CCDC117: variants seen among roughly 807,000 people sequenced by gnomAD.
CCDC117 encodes the protein coiled-coil domain-containing protein 117.
In CCDC117, 1 loss-of-function variant was observed where a neutral mutation model predicts 23.5. That is an observed-to-expected ratio of 0.04 (90% CI 0.02 to 0.20). The LOEUF (loss-of-function observed/expected upper bound fraction) is 0.20. CCDC117 is among the 10% of genes least tolerant of loss of function. CCDC117 has a pLI of 1.00. For synonymous variants in CCDC117, 132 were observed against 124.8 expected (o/e 1.06, Z -0.39); for missense variants, 383 against 348.2 (o/e 1.10, Z -0.80).
At chr22:28,782,817 C>T (rs1314517229) in intron 3 of CCDC117, among the ~76,000 whole-genome samples, 2 of 152,120 alleles carry the variant, frequency 1.3e-5, no homozygotes, top group Non-Finnish European at 2.9e-5. Context: ...GGTGATCTGC[C>T]TATCTCAGCC....
chr22:28,783,117 C>T (rs1392522444), intron 3 of CCDC117, among the ~76,000 whole-genome samples: 1 of 152,064 alleles, frequency 6.6e-6, no homozygotes, highest in Non-Finnish European at 1.5e-5. Flanking sequence ...TCTTGGTTCA[C>T]TGCAACCTCC....
Position 28,789,291 on chromosome 22 carries a change from T to A in CCDC117, c.*2965T>A, listed in dbSNP as rs1406071018. 6.6e-6 allele frequency: 1 copy of A among 152,220 alleles called. No individual in the cohort carries two copies. 9.4% of individuals were successfully genotyped at this position (152,220 alleles called of 1,614,324 possible). A position where few individuals can be genotyped will look rare whatever the true frequency, so the allele number is the denominator to read the frequency against. On this transcript the variant is annotated 3_prime_UTR_variant, in exon 5 of 5. Transcript: ENST00000249064. ...TTTTCAATAAAACTTCTTAAGTGTT[T>A]TGGACTTTTGAGATATTTGTATTAC... is the stretch of plus-strand genomic sequence containing the variant.
chr22:28,773,089 G>A (rs1294236393), intron 1 of CCDC117, 55 bp downstream of exon 1: 5 of 928,360 alleles, frequency 5.4e-6, no homozygotes, highest in Non-Finnish European at 5.2e-6. Flanking sequence ...GGGCAGGCTG[G>A]GCGCCCCTCG....
Position 28,786,273 on chromosome 22 carries a change from C to G in CCDC117, c.787C>G (p.Leu263Val), listed in dbSNP as rs758902783. 1.2e-6 allele frequency: 2 copies of G among 1,614,114 alleles called. No individual in the cohort carries two copies. Among genetic ancestry groups the G allele is most frequent in the Non-Finnish European group, 1.7e-6 (2 of 1,180,016 alleles). ...FSEPRPTGMS[L>V]YNSLETATST... ...GGAACCTCGGCCAACAGGGATGTCT[C>G]TTTATAATAGTTTGGAGACAGCTAC... Residue 263 changes from leucine to valine, a missense_variant, in exon 5 of 5, where the codon CTT becomes GTT. Leu to Val is a conservative substitution (Grantham distance 32). Transcript: ENST00000249064.
At position 28,773,757 on chromosome 22, in the gene CCDC117, GAGA is replaced by G; in HGVS notation, c.219_221del (p.Glu77del). ...GTTCACTGTAAAAAGAAACACAAGC[GAGA>G]GGAGGAGGAGGATGATGAGTAAGTT... On this transcript the variant is annotated inframe_deletion, in exon 2 of 5. Transcript: ENST00000249064. 6.2e-7 allele frequency: 1 copy of G among 1,613,946 alleles called. No individual in the cohort carries two copies. Among genetic ancestry groups the G allele is most frequent in the Non-Finnish European group, 8.5e-7 (1 of 1,179,802 alleles).
At chr22:28,773,617 A>G in intron 1 of CCDC117, 108 bp from the exon 2 acceptor site, 5 of 847,990 alleles carry the variant, frequency 5.9e-6, no homozygotes, top group Non-Finnish European at 9.9e-6. Context: ...TCAGAAAGGG[A>G]CGTTTGGTAT....
In CCDC117 at chr22:28,783,654, T is replaced by G. The variant is rs369776611; in HGVS notation, c.602+9T>G. The G allele has an allele frequency of 1.9e-6, 3 of 1,611,870 alleles. No homozygotes were observed. In the African/African-American group the frequency reaches 4.0e-5, roughly 22 times the overall value. ...AAAATGATTGAGTCTATGTAAGTTT[T>G]GGTACCTGATTTCTATTTAATTATG... On this transcript the variant is annotated intron_variant, in intron 4 of 4. Coordinates refer to ENST00000249064, the MANE Select transcript of CCDC117 (RefSeq NM_173510.4).
chr22:28,774,514 G>A (rs541437451), intron 2 of CCDC117, among the ~76,000 whole-genome samples: 204 of 151,342 alleles, frequency 1.3e-3, no homozygotes, highest in African/African-American at 4.9e-3. Context: ...TGAGACTACA[G>A]ACTTGTGCCA....
In CCDC117 at chr22:28,781,087, G is replaced by C. The variant is rs1307403170; in HGVS notation, c.379G>C (p.Asp127His). ...TGGCCTTTCCATACCTGGGATATTA[G>C]ATGTTATTTGTGAAGAAATGGATCA... Reference protein sequence around the residue: ...VSGLSIPGILDVICEEMDQTT... With the variant: ...VSGLSIPGILHVICEEMDQTT... The change falls in exon 3 of 5, where the codon GAT becomes CAT. Residue 127 changes from aspartate (D) to histidine (H), a missense_variant. Transcript: ENST00000249064. The C allele has an allele frequency of 6.2e-7, 1 of 1,614,034 alleles. No individual in the cohort carries two copies. The highest frequency in any genetic ancestry group is 8.5e-7 in the Non-Finnish European group (1 of 1,180,000).
At chr22:28,776,929 A>G (rs535774243) in intron 2 of CCDC117, among the ~76,000 whole-genome samples, 2 of 148,770 alleles carry the variant, frequency 1.3e-5, no homozygotes, top group Non-Finnish European at 2.9e-5. Context: ...CATGTTGGCC[A>G]GGCTGGTCTA....
At chr22:28,784,856 C>T (rs1274713967) in intron 4 of CCDC117, among the ~76,000 whole-genome samples, 7 of 151,740 alleles carry the variant, frequency 4.6e-5, no homozygotes, top group African/African-American at 9.7e-5. Context: ...CTGCAAGCTC[C>T]GCCTCCCGGG....
At chr22:28,781,931 C>T (rs2146252478) in intron 3 of CCDC117, among the ~76,000 whole-genome samples, 1 of 151,714 alleles carries the variant, frequency 6.6e-6, no homozygotes, top group Non-Finnish European at 1.5e-5. Flanking sequence ...GCGTGAGCCA[C>T]ACCACCCAGC....
In CCDC117 at chr22:28,786,385, G is replaced by T; in HGVS notation, c.*59G>T. On this transcript the variant is annotated 3_prime_UTR_variant, in exon 5 of 5. Coordinates refer to ENST00000249064, the MANE Select transcript of CCDC117 (RefSeq NM_173510.4). ...AGAAGAATCCTGTGTTCAGTTATGA[G>T]ACTCTTTGCATAGTATAGGGACTTG... is the stretch of plus-strand genomic sequence containing the variant. 1 of 1,244,458 alleles carries T rather than the reference G, an allele frequency of 8.0e-7. No individual in the cohort carries two copies. Among genetic ancestry groups the T allele is most frequent in the Non-Finnish European group, 1.2e-6 (1 of 858,304 alleles). The allele number at this position is 1,244,458 out of a possible 1,614,324, so 77.1% of individuals were successfully genotyped here.
At position 28,786,231 on chromosome 22, in the gene CCDC117, A is replaced by G; in HGVS notation, c.745A>G (p.Arg249Gly). ...AGCTGCTGGCACTGCCTTCCCTCAG[A>G]GAACTGAACTGTTTTCGGAACCTCG... ...HVAAGTAFPQ[R>G]TELFSEPRPT... The change falls in exon 5 of 5, where the codon AGA (arginine) becomes GGA (glycine). Residue 249 changes from arginine to glycine, a missense_variant. Coordinates refer to ENST00000249064, the MANE Select transcript of CCDC117 (RefSeq NM_173510.4). 6.2e-7 allele frequency: 1 copy of G among 1,614,162 alleles called. No homozygotes were observed. The highest frequency in any genetic ancestry group is 8.5e-7 in the Non-Finnish European group (1 of 1,180,018).
rs1334128333 is a variant in CCDC117 at position 28,782,158 on chromosome 22, G to A, written c.464+986G>A. 2.0e-5 allele frequency among the ~76,000 whole-genome samples: 3 copies of A among 149,960 alleles called. No individual in the cohort carries two copies. In the South Asian group the frequency reaches 6.3e-4, roughly 32 times the overall value. On this transcript the variant is annotated intron_variant, in intron 3 of 4. Transcript: ENST00000249064. ...TCGCCATGTTGCCCAAGCTGGTCAC[G>A]CATTCCTGGGCTCGAGCAAGCCGCC...
At position 28,772,798 on chromosome 22, in the gene CCDC117, T is replaced by C. The variant is rs1320599626; in HGVS notation, c.-52T>C. On this transcript the variant is annotated 5_prime_UTR_variant, in exon 1 of 5. Transcript: ENST00000249064. ...TAGCTGTGGCTGCGGCTGCCGGGCCTGGGGACGCGGGCGGCCGAGGCCGCC... is the reference window on the plus strand; with the variant it reads ...TAGCTGTGGCTGCGGCTGCCGGGCCCGGGGACGCGGGCGGCCGAGGCCGCC... 2 of 1,212,782 alleles carry C rather than the reference T, an allele frequency of 1.6e-6. No homozygotes were observed. The highest frequency in any genetic ancestry group is 2.1e-6 in the Non-Finnish European group (2 of 974,502). The allele number at this position is 1,212,782 out of a possible 1,614,324, so 75.1% of individuals were successfully genotyped here. A position where few individuals can be genotyped will look rare whatever the true frequency, so the allele number is the denominator to read the frequency against.
chr22:28,773,814 A>G, intron 2 of CCDC117, 36 bp downstream of exon 2: 2 of 1,538,512 alleles, frequency 1.3e-6, no homozygotes, highest in African/African-American at 2.7e-5. Flanking sequence ...CTCTGTGGTC[A>G]CCGTTAGTTG....
chr22:28,775,627 G>A (rs1028998281), intron 2 of CCDC117, among the ~76,000 whole-genome samples: 2 of 152,082 alleles, frequency 1.3e-5, no homozygotes, highest in Admixed American at 6.6e-5. Flanking sequence ...GGCCAGGCGC[G>A]GTGGCTCACA....
At position 28,788,973 on chromosome 22, in the gene CCDC117, G is replaced by GGT. The variant is rs2031595003; in HGVS notation, c.*2647_*2648insGT. 1 of 134,984 alleles carries GGT rather than the reference G, an allele frequency of 7.4e-6. No homozygotes were observed. Among genetic ancestry groups the GGT allele is most frequent in the East Asian group, 2.1e-4 (1 of 4,802 alleles). The allele number at this position is 134,984 out of a possible 1,614,324, so 8.4% of individuals were successfully genotyped here. ...GTGCGTTGTGGATTTTGTTTTTTGG[G>GGT]TTTTTTTTTTTTTTTTGTAATTATA... On this transcript the variant is annotated 3_prime_UTR_variant, in exon 5 of 5. Coordinates refer to ENST00000249064, the MANE Select transcript of CCDC117 (RefSeq NM_173510.4).
Sources: gnomAD v4.1 joint callset for allele counts (sites outside exome capture counted in the v4.1 genomes callset) on GRCh38, gnomAD v4.1.1 for gene constraint, MANE v1.5 for transcripts, NCBI Gene and HGNC (gene_info 2026-07-23, HGNC 2026-07-21) for gene names.